The following NVL variants were observed in gnomAD, a reference collection of about 807,000 sequenced individuals.
NVL encodes the protein nuclear VCP like, also known as nuclear valosin-containing protein-like.
In NVL, 84 loss-of-function variants were observed where a neutral mutation model predicts 110.2. The ratio of observed to expected loss-of-function variants is 0.76; its 90% confidence interval spans 0.64 to 0.91. The LOEUF (loss-of-function observed/expected upper bound fraction) is 0.91. Among genes scored for constraint, NVL ranks in the 40% least tolerant of loss-of-function variants. The probability of loss-of-function intolerance (pLI) is 0.00; values close to 1 mark genes in which losing one functional copy is unlikely to be tolerated. For missense variants in NVL, 882 were observed against 1,035.9 expected (o/e 0.85, Z 2.04); for synonymous variants, 354 against 361.1 (o/e 0.98, Z 0.22).
chr1:224,291,038 T>TC (rs1667329980), intron 12 of NVL, among the ~76,000 whole-genome samples: 1 of 152,136 alleles, frequency 6.6e-6, no homozygotes, highest in South Asian at 2.1e-4. Flanking sequence ...GAATCCCAGC[T>TC]CTGTTAACCT....
At chr1:224,287,275 G>A (rs767219596) in intron 14 of NVL, among the ~76,000 whole-genome samples, 5 of 152,144 alleles carry the variant, frequency 3.3e-5, no homozygotes, top group Non-Finnish European at 5.9e-5. Flanking sequence ...AAGGGAAGGT[G>A]GAGATGAGTA....
intron 5 of NVL, among the ~76,000 whole-genome samples, chr1:224,309,967 T>G (rs1468117119): frequency 3.3e-5 from 5 of 151,972 alleles, no homozygotes; most frequent in Non-Finnish European, 7.4e-5. Context: ...AGGCAGAGGT[T>G]GCAGTGAGCC....
intron 12 of NVL, among the ~76,000 whole-genome samples, chr1:224,289,959 G>T (rs568374374): frequency 6.6e-6 from 1 of 152,188 alleles, no homozygotes; most frequent in Admixed American, 6.5e-5. Context: ...AACATGCTAA[G>T]TGCTGTGACG....
At chr1:224,259,175 G>A (rs916958141) in intron 18 of NVL, among the ~76,000 whole-genome samples, 5 of 150,966 alleles carry the variant, frequency 3.3e-5, no homozygotes, top group Non-Finnish European at 7.4e-5. Context: ...TGCAACCTCT[G>A]CCTTCTAGGT....
chr1:224,237,755 C>T (rs1257630645), intron 19 of NVL, among the ~76,000 whole-genome samples: 7 of 84,964 alleles, frequency 8.2e-5, no homozygotes, highest in South Asian at 4.2e-4. Flanking sequence ...GAGACAGTCT[C>T]GCTCTGGAGT....
At chr1:224,298,330 C>A in intron 10 of NVL, 1 of 217,392 alleles carries the variant, frequency 4.6e-6, no homozygotes, top group South Asian at 8.4e-5. Context: ...ATAACGTTAT[C>A]CAGCATGCTG....
At chr1:224,289,968 C>T (rs941281845) in intron 12 of NVL, among the ~76,000 whole-genome samples, 3 of 152,000 alleles carry the variant, frequency 2.0e-5, no homozygotes, top group African/African-American at 2.4e-5. Flanking sequence ...AGTGCTGTGA[C>T]GAATACATAG....
chr1:224,296,691 A>G, intron 10 of NVL, 73 bp from the exon 11 acceptor site: 1 of 902,478 alleles, frequency 1.1e-6, no homozygotes, highest in African/African-American at 1.7e-5. Flanking sequence ...AAGCATATAC[A>G]TTTTAAAAAA....
Position 224,258,458 on chromosome 1 carries a change from T to C in NVL, c.2183-8140A>G, listed in dbSNP as rs145882905. On this transcript the variant is annotated intron_variant, in intron 18 of 22. Transcript: ENST00000281701. ...AAAATTACTAGTGGGAATATAAAAATGATGCAGCCACTTTGGAAAAGAGTT... is the reference window on the plus strand; with the variant it reads ...AAAATTACTAGTGGGAATATAAAAACGATGCAGCCACTTTGGAAAAGAGTT... Among the ~76,000 whole-genome samples, 8 of 152,308 alleles carry C rather than the reference T, an allele frequency of 5.3e-5. No homozygotes were observed. The East Asian group carries it at 1.5e-3, about 29-fold the overall frequency.
chr1:224,283,293 C>T (rs551181694), intron 15 of NVL, among the ~76,000 whole-genome samples: 1 of 152,248 alleles, frequency 6.6e-6, no homozygotes, highest in East Asian at 1.9e-4. Flanking sequence ...CGAGACCATC[C>T]TGGCTAATGC....
At chr1:224,262,496 T>TA (rs1250019568) in intron 18 of NVL, among the ~76,000 whole-genome samples, 2 of 150,964 alleles carry the variant, frequency 1.3e-5, no homozygotes, top group East Asian at 2.0e-4. Context: ...GTAAGCAAGA[T>TA]AAAAAAAGTA....
chr1:224,298,620 T>G (rs1478251293), intron 10 of NVL: 1 of 198,722 alleles, frequency 5.0e-6, no homozygotes, highest in East Asian at 1.2e-4. Context: ...ATAAAAGACC[T>G]CTGGACTGTA....
intron 17 of NVL, among the ~76,000 whole-genome samples, chr1:224,272,553 A>C (rs1665237101): frequency 6.6e-6 from 1 of 151,552 alleles, no homozygotes. Context: ...CCCCGTCTCT[A>C]CTAAAAATAC....
At position 224,238,799 on chromosome 1, in the gene NVL, C is replaced by T. The variant is rs545447841; in HGVS notation, c.2290-2217G>A. Among the ~76,000 whole-genome samples the T allele has an allele frequency of 1.7e-3, 261 of 152,172 alleles. 2 individuals are homozygous for T. Among genetic ancestry groups the T allele is most frequent in the Admixed American group, 2.1e-3 (32 of 15,278 alleles). On this transcript the variant is annotated intron_variant, in intron 19 of 22. Transcript: ENST00000281701. ...CTGGAAGTAGAAGGGCAGCTTTTGTCGGTGTGGGAATGTTCTATTTTATTG... is the reference window on the plus strand; with the variant it reads ...CTGGAAGTAGAAGGGCAGCTTTTGTTGGTGTGGGAATGTTCTATTTTATTG...
intron 18 of NVL, among the ~76,000 whole-genome samples, chr1:224,253,484 C>T (rs1451464895): frequency 1.3e-5 from 2 of 151,522 alleles, no homozygotes; most frequent in East Asian, 2.0e-4. Flanking sequence ...CCTGTAATCC[C>T]AGCACTTTGG....
intron 18 of NVL, among the ~76,000 whole-genome samples, chr1:224,264,531 G>T (rs893672948): frequency 1.3e-5 from 2 of 152,086 alleles, no homozygotes; most frequent in Non-Finnish European, 2.9e-5. Flanking sequence ...GTGAGTCACT[G>T]CATCCAGCCA....
intron 16 of NVL, among the ~76,000 whole-genome samples, chr1:224,279,078 C>T (rs1267897256): frequency 6.6e-6 from 1 of 152,036 alleles, no homozygotes; most frequent in Non-Finnish European, 1.5e-5. Flanking sequence ...AATTCTCCTT[C>T]TGGGTATATA....
In NVL at chr1:224,330,042, G is replaced by A. The variant is rs753166958; in HGVS notation, c.57+29C>T. On this transcript the variant is annotated intron_variant, in intron 1 of 22. Coordinates refer to ENST00000281701, the MANE Select transcript of NVL (RefSeq NM_002533.4). Reference sequence around the variant, plus strand: ...CCCTGGGGCAGCGATCGGGGCCCTTGGCGAGGCCAAGCGGTGCAGAATACA... The same window carrying A: ...CCCTGGGGCAGCGATCGGGGCCCTTAGCGAGGCCAAGCGGTGCAGAATACA... 6.8e-6 allele frequency: 11 copies of A among 1,611,832 alleles called. No homozygotes were observed. The Admixed American group carries it at 1.7e-4, about 24-fold the overall frequency.
intron 1 of NVL, among the ~76,000 whole-genome samples, chr1:224,329,796 C>CTGAA (rs1405711099): frequency 6.6e-6 from 1 of 152,204 alleles, no homozygotes; most frequent in Non-Finnish European, 1.5e-5. Flanking sequence ...CTCCACTCTA[C>CTGAA]TGAATGATCT....
Sources: gnomAD v4.1 joint callset for allele counts (sites outside exome capture counted in the v4.1 genomes callset) on GRCh38, gnomAD v4.1.1 for gene constraint, MANE v1.5 for transcripts, NCBI Gene and HGNC (gene_info 2026-07-23, HGNC 2026-07-21) for gene names.